TET3: variants seen among roughly 807,000 people sequenced by gnomAD.
TET3 encodes the protein methylcytosine dioxygenase TET3.
A neutral mutation model predicts 141.4 loss-of-function variants in TET3; 19 were observed. That is an observed-to-expected ratio of 0.13 (90% CI 0.09 to 0.20). The LOEUF (loss-of-function observed/expected upper bound fraction) is 0.20. Ranked by LOEUF, TET3 falls within the 10% of genes least tolerant of loss-of-function variation. The pLI is 1.00. For missense variants in TET3, 1,874 were observed against 2,356.9 expected (o/e 0.80, Z 4.24); for synonymous variants, 1,043 against 980.9 (o/e 1.06, Z -1.18).
Position 73,985,117 on chromosome 2 carries a change from C to G in TET3, c.-465C>G, listed in dbSNP as rs1482708093. ...GGCGGCGGCGGCGCGGGCCGGGAAA[C>G]TTTGCCCCTTTGTGCGCTCCGCCCC... is the stretch of plus-strand genomic sequence containing the variant. On this transcript the variant is annotated 5_prime_UTR_variant, in exon 1 of 12. Transcript: ENST00000409262. 1 of 146,674 alleles carries G rather than the reference C, an allele frequency of 6.8e-6. No homozygotes were observed. Among genetic ancestry groups the G allele is most frequent in the Non-Finnish European group, 1.5e-5 (1 of 66,048 alleles). 9.1% of individuals were successfully genotyped at this position (146,674 alleles called of 1,614,324 possible).
chr2:74,101,720 C>A lies in TET3; in HGVS notation c.4932C>A (p.His1644Gln), dbSNP rs1691229523. Reference protein sequence around the residue: ...EEEELWSDSEHNFLDENIGGV... With the variant: ...EEEELWSDSEQNFLDENIGGV... ...AGGAGCTGTGGTCGGACAGTGAACACAACTTCCTGGACGAGAACATCGGCG... is the reference window on the plus strand; with the variant it reads ...AGGAGCTGTGGTCGGACAGTGAACAAAACTTCCTGGACGAGAACATCGGCG... Residue 1644 changes from histidine (H) to glutamine (Q), a missense_variant, in exon 12 of 12, where the codon CAC becomes CAA. His to Gln is a conservative substitution (Grantham distance 24, BLOSUM62 0). Around this residue, in one of 10 missense-constraint regions of TET3, gnomAD observed 41 missense variants for 116.8 expected, o/e 0.35. Coordinates refer to ENST00000409262, the MANE Select transcript of TET3 (RefSeq NM_001287491.2). The surrounding 1 kb of genome is among the most constrained non-coding windows in gnomAD (Gnocchi z 8.5). 1 of 1,613,566 alleles carries A rather than the reference C, an allele frequency of 6.2e-7. No homozygotes were observed.
intron 2 of TET3, among the ~76,000 whole-genome samples, chr2:73,995,123 C>A (rs529287963): frequency 1.3e-5 from 2 of 151,996 alleles, no homozygotes; most frequent in African/African-American, 4.8e-5. Flanking sequence ...CCACGTCTGG[C>A]TAATTTTTGT....
Position 74,105,637 on chromosome 2 carries a change from G to T in TET3, c.*3461G>T. Reference sequence around the variant, plus strand: ...GATGATACCCCACCGCCCCCTCTTGGTCCTTCCACCAGCCTCTTTTGGGAA... The same window carrying T: ...GATGATACCCCACCGCCCCCTCTTGTTCCTTCCACCAGCCTCTTTTGGGAA... On this transcript the variant is annotated 3_prime_UTR_variant, in exon 12 of 12. Transcript: ENST00000409262. 2.7e-6 allele frequency: 1 copy of T among 366,148 alleles called. No homozygotes were observed. 22.7% of individuals were successfully genotyped at this position (366,148 alleles called of 1,614,324 possible). A position where few individuals can be genotyped will look rare whatever the true frequency, so the allele number is the denominator to read the frequency against.
At chr2:74,125,486 C>A in the TET3 span, among the ~76,000 whole-genome samples, 1 of 152,154 alleles carries the variant, frequency 6.6e-6, no homozygotes, top group African/African-American at 2.4e-5. Context: ...TGAGATGAAG[C>A]TTTACATGGA....
Position 74,047,297 on chromosome 2 carries a change from G to A in TET3, c.1380G>A (p.Met460Ile). Reference protein sequence around the residue: ...WPMPRPSPDPMAELEQLLGSA... With the variant: ...WPMPRPSPDPIAELEQLLGSA... ...TGCCTCGCCCAAGCCCCGATCCCAT[G>A]GCTGAACTGGAGCAGTTGTTGGGCA... The change falls in exon 4 of 12, where the codon ATG becomes ATA. Residue 460 changes from methionine to isoleucine, a missense_variant. By Grantham distance (10) the Met-to-Ile change is conservative. Coordinates refer to ENST00000409262, the MANE Select transcript of TET3 (RefSeq NM_001287491.2). 1.2e-6 allele frequency: 2 copies of A among 1,614,002 alleles called. No homozygotes were observed. The highest frequency in any genetic ancestry group is 1.7e-6 in the Non-Finnish European group (2 of 1,179,902).
At chr2:74,027,510 G>A (rs1289888927) in intron 3 of TET3, among the ~76,000 whole-genome samples, 1 of 151,866 alleles carries the variant, frequency 6.6e-6, no homozygotes, top group Non-Finnish European at 1.5e-5. Context: ...GTGGCAAATA[G>A]CATTCACTCC....
chr2:74,095,439 A>G (rs1053168451), intron 10 of TET3, among the ~76,000 whole-genome samples: 2 of 152,234 alleles, frequency 1.3e-5, no homozygotes, highest in African/African-American at 4.8e-5. Flanking sequence ...TGAAAAAAGG[A>G]GTATTTTCTT....
chr2:74,012,646 C>A (rs1292193177), intron 3 of TET3, among the ~76,000 whole-genome samples: 1 of 152,218 alleles, frequency 6.6e-6, no homozygotes, highest in East Asian at 1.9e-4. Context: ...TGCTGCCTCC[C>A]TCCTAGGACC....
At position 74,104,402 on chromosome 2, in the gene TET3, A is replaced by G. The variant is rs972256921; in HGVS notation, c.*2226A>G. On this transcript the variant is annotated 3_prime_UTR_variant, in exon 12 of 12. Coordinates refer to ENST00000409262, the MANE Select transcript of TET3 (RefSeq NM_001287491.2). ...AAAGGAAGCAGAGTCTTTAATGAGC[A>G]TGCTAATTTTCTAGTTTTGAGGAAA... The G allele has an allele frequency of 9.9e-5, 15 of 152,242 alleles. No individual in the cohort carries two copies. Among genetic ancestry groups the G allele is most frequent in the African/African-American group, 3.6e-4 (15 of 41,466 alleles). 9.4% of individuals were successfully genotyped at this position (152,242 alleles called of 1,614,324 possible). A position where few individuals can be genotyped will look rare whatever the true frequency, so the allele number is the denominator to read the frequency against.
intron 2 of TET3, among the ~76,000 whole-genome samples, chr2:73,994,641 T>TC (rs58914947): frequency 8.4e-4 from 121 of 143,590 alleles, no homozygotes; most frequent in African/African-American, 2.9e-3. Context: ...TTTCTTTCTT[T>TC]TTTTTTTTTT....
rs375637680 is a variant in TET3, at chr2:74,013,533, C to T, written c.360+10367C>T. ...TTCGATTCTTTTTATTGGGGCTGGG[C>T]GCAGTGGCTCTCACGCCTGTAATCC... On this transcript the variant is annotated intron_variant, in intron 3 of 11. Transcript: ENST00000409262. Among the ~76,000 whole-genome samples the T allele has an allele frequency of 3.3e-5, 5 of 151,896 alleles. No individual in the cohort carries two copies. The East Asian group carries it at 5.8e-4, about 18-fold the overall frequency.
chr2:74,100,173 C>T (rs2104207808), intron 11 of TET3, among the ~76,000 whole-genome samples: 1 of 152,260 alleles, frequency 6.6e-6, no homozygotes. Flanking sequence ...GGATCGCCTC[C>T]TCCCACCCCC....
chr2:74,097,989 A>G (rs770323387), intron 10 of TET3, among the ~76,000 whole-genome samples: 7 of 152,248 alleles, frequency 4.6e-5, no homozygotes, highest in Non-Finnish European at 7.3e-5. Context: ...AAGAGTAGAG[A>G]GTAAACTTGA....
At chr2:74,070,178 C>G (rs535194382) in intron 4 of TET3, among the ~76,000 whole-genome samples, 5 of 152,062 alleles carry the variant, frequency 3.3e-5, no homozygotes, top group African/African-American at 1.2e-4. Flanking sequence ...AGTCCATTTT[C>G]ACGCTGCTGA....
At chr2:74,113,966 A>G in the TET3 span, among the ~76,000 whole-genome samples, 2 of 152,220 alleles carry the variant, frequency 1.3e-5, no homozygotes, top group Non-Finnish European at 2.9e-5. Flanking sequence ...TAAAATTTGT[A>G]TGAAACTACA....
At chr2:74,129,179 C>T in the TET3 span, among the ~76,000 whole-genome samples, 1 of 150,694 alleles carries the variant, frequency 6.6e-6, no homozygotes, top group Non-Finnish European at 1.5e-5. Context: ...CATGGTGGCT[C>T]ATGGCTCATA....
At position 74,107,271 on chromosome 2, in the gene TET3, G is replaced by C. The variant is rs1034589096; in HGVS notation, c.*5095G>C. 2 of 152,260 alleles carry C rather than the reference G, an allele frequency of 1.3e-5. No homozygotes were observed. Among genetic ancestry groups the C allele is most frequent in the African/African-American group, 4.8e-5 (2 of 41,470 alleles). The allele number at this position is 152,260 out of a possible 1,614,324, so 9.4% of individuals were successfully genotyped here. Reference sequence around the variant, plus strand: ...GAGCAGAGCAATAGGCTTCTCCCCTGAGCAGAGACCGCAGCACAGAAATGC... The same window carrying C: ...GAGCAGAGCAATAGGCTTCTCCCCTCAGCAGAGACCGCAGCACAGAAATGC... On this transcript the variant is annotated 3_prime_UTR_variant, in exon 12 of 12. Transcript: ENST00000409262.
At chr2:74,068,589 A>G (rs7607398) in intron 4 of TET3, among the ~76,000 whole-genome samples, 9,598 of 152,274 alleles carry the variant, frequency 0.063, 1,019 homozygotes, top group African/African-American at 0.22. Context: ...CATTTTTTAC[A>G]TATACAATTA....
At chr2:73,989,200 T>TTAG (rs1684204039) in intron 2 of TET3, among the ~76,000 whole-genome samples, 1 of 152,104 alleles carries the variant, frequency 6.6e-6, no homozygotes, top group Non-Finnish European at 1.5e-5. Context: ...CCATTAGATC[T>TTAG]TAGCAGCCGT....
Sources: allele counts gnomAD v4.1 joint callset (sites outside exome capture counted in the v4.1 genomes callset), GRCh38; gene constraint gnomAD v4.1.1; regional missense constraint gnomAD v4.1.1; non-coding constraint Gnocchi (gnomAD v3.1); transcripts MANE v1.5; gene names NCBI Gene and HGNC (gene_info 2026-07-23, HGNC 2026-07-21).